OTOG: variants seen among roughly 807,000 people sequenced by gnomAD.
OTOG encodes otogelin.
A neutral mutation model predicts 313.8 loss-of-function variants in OTOG; 296 were observed. The ratio of observed to expected loss-of-function variants is 0.94; its 90% CI spans 0.86 to 1.04. OTOG has a LOEUF of 1.04. Among genes scored for constraint, OTOG ranks in the 50% least tolerant of loss-of-function variants. The pLI is 0.00. For synonymous variants in OTOG, 1,533 were observed against 1,554.9 expected, an observed-to-expected ratio of 0.99 and a Z score of 0.33; for missense variants, 3,948 against 3,840.1, an observed-to-expected ratio of 1.03 and a Z score of -0.74.
At chr11:17,562,225 G>T (rs1309390067) in intron 15 of OTOG, among the ~76,000 whole-genome samples, 1 of 128,952 alleles carries the variant, frequency 7.8e-6, no homozygotes. Flanking sequence ...GCAACAGAGC[G>T]AGACTCCGTC....
At chr11:17,597,586 A>G (rs1300673546) in intron 30 of OTOG, among the ~76,000 whole-genome samples, 2 of 152,230 alleles carry the variant, frequency 1.3e-5, no homozygotes, top group African/African-American at 4.8e-5. Flanking sequence ...CTATCAAGTA[A>G]AATCATTTTG....
intron 24 of OTOG, among the ~76,000 whole-genome samples, chr11:17,588,820 C>T (rs1478618709): frequency 6.6e-6 from 1 of 151,954 alleles, no homozygotes; most frequent in Non-Finnish European, 1.5e-5. Flanking sequence ...TTGCCGTTCC[C>T]AACAACTCAC....
At chr11:17,548,418 C>CTTTTTTTTTTTTTTTTTT (rs56402246) in intron 3 of OTOG, among the ~76,000 whole-genome samples, 7 of 87,630 alleles carry the variant, frequency 8.0e-5, no homozygotes, top group African/African-American at 1.9e-4. Context: ...ATAGTCCACT[C>CTTTTTTTTTTTTTTTTTT]TTTTTTTTTT....
At chr11:17,593,579 G>T (rs781586694) in intron 26 of OTOG, 31 bp from the exon 27 acceptor site, 2 of 1,544,118 alleles carry the variant, frequency 1.3e-6, no homozygotes, top group Non-Finnish European at 1.7e-6. Context: ...GGGGCACTTG[G>T]GCTCAGGACT....
At chr11:17,613,587 G>T in intron 38 of OTOG, 25 bp from the exon 39 acceptor site, 1 of 1,545,402 alleles carries the variant, frequency 6.5e-7, no homozygotes, top group Non-Finnish European at 8.8e-7. Flanking sequence ...GCTCCAAGTT[G>T]ATGAGGGCTG....
chr11:17,604,920 T>A (rs1056239720), intron 32 of OTOG, among the ~76,000 whole-genome samples: 8 of 152,204 alleles, frequency 5.3e-5, no homozygotes, highest in African/African-American at 1.9e-4. Context: ...CCTGCCATCT[T>A]CTCGCAGCTT....
At position 17,573,273 on chromosome 11, in the gene OTOG, C is replaced by T. The variant is rs876657937; in HGVS notation, c.2276C>T (p.Ala759Val). The change falls in exon 19 of 56, where the codon GCC (alanine) becomes GTC (valine). Residue 759 changes from alanine to valine, a missense_variant. Transcript: ENST00000399397. ...CATGGGCTCCCCGTTGATTTCCGCG[C>T]CCGCCTGCCAGCCTGTGGTGAGTGC... is the stretch of plus-strand genomic sequence containing the variant. ...RRHGLPVDFR[A>V]RLPACALSCE... The T allele has an allele frequency of 9.8e-6, 15 of 1,528,006 alleles. No individual in the cohort carries two copies. The highest frequency in any genetic ancestry group is 2.0e-5 in the Admixed American group (1 of 50,656). The allele number at this position is 1,528,006 out of a possible 1,614,324, so 94.7% of individuals were successfully genotyped here. A position where few individuals can be genotyped will look rare whatever the true frequency, so the allele number is the denominator to read the frequency against.
intron 39 of OTOG, among the ~76,000 whole-genome samples, chr11:17,623,678 G>C (rs1275882926): frequency 1.3e-5 from 2 of 152,170 alleles, no homozygotes. Context: ...TGGGATTGCT[G>C]GGTCAAATGG....
chr11:17,548,186 G>A lies in OTOG; in HGVS notation c.190G>A (p.Asp64Asn). 1 of 1,548,438 alleles carries A rather than the reference G, an allele frequency of 6.5e-7. No homozygotes were observed. Among genetic ancestry groups the A allele is most frequent in the African/African-American group, 1.4e-5 (1 of 73,114 alleles). The change falls in exon 3 of 56, where the codon GAC becomes AAC. Residue 64 changes from aspartate (D) to asparagine (N), a missense_variant. Asp to Asn is a conservative substitution (Grantham distance 23, BLOSUM62 1). Transcript: ENST00000399397. The stretch of plus-strand genomic sequence containing the variant: ...CCAGGAGGCGACCCTTGCCATGGGG[G>A]ACAAGGCTACAGTCGTGGGAGGCCA... ...SHQEATLAMG[D>N]KATVVGGQQA...
Position 17,609,174 on chromosome 11 carries a change from A to G in OTOG, c.4319A>G (p.Asp1440Gly). The G allele has an allele frequency of 3.2e-6, 5 of 1,550,544 alleles. No individual in the cohort carries two copies. The highest frequency in any genetic ancestry group is 4.4e-6 in the Non-Finnish European group (5 of 1,146,936). Residue 1440 changes from aspartate (D) to glycine (G), a missense_variant, in exon 35 of 56, where the codon GAT becomes GGT. Asp to Gly is a moderately conservative substitution (Grantham distance 94). Coordinates refer to ENST00000399397, the MANE Select transcript of OTOG (RefSeq NM_001292063.2). ...GTGTGCCCCACCCCCCAGGTCCTGG[A>G]TGAAGTCACACAGAGATGTGTCTAC... ...VPVCPTPQVLDEVTQRCVYLE... is the reference protein window; with the variant it reads ...VPVCPTPQVLGEVTQRCVYLE...
rs1484958488 is a variant in OTOG at position 17,557,335 on chromosome 11, A to T, written c.865+12A>T. On this transcript the variant is annotated intron_variant, in intron 8 of 55. Coordinates refer to ENST00000399397, the MANE Select transcript of OTOG (RefSeq NM_001292063.2). ...GGTGACCAGCTCTGGTGAGGGTCAG[A>T]CAGGTGGCCTCTGAGGGGTGTTGGT... is the stretch of plus-strand genomic sequence containing the variant. The T allele has an allele frequency of 2.6e-6, 4 of 1,549,698 alleles. No homozygotes were observed. Among genetic ancestry groups the T allele is most frequent in the Non-Finnish European group, 3.5e-6 (4 of 1,146,574 alleles).
intron 24 of OTOG, among the ~76,000 whole-genome samples, chr11:17,589,509 C>T (rs551297882): frequency 9.8e-4 from 150 of 152,322 alleles, no homozygotes; most frequent in African/African-American, 3.4e-3. Context: ...TGGGTCCTAG[C>T]TCCTCACTTG....
At chr11:17,561,884 G>A in intron 15 of OTOG, 77 bp downstream of exon 15, 6 of 1,520,046 alleles carry the variant, frequency 3.9e-6, no homozygotes, top group Non-Finnish European at 3.5e-6. Context: ...TGGGACTTAG[G>A]ACAGGGCTCA....
intron 15 of OTOG, among the ~76,000 whole-genome samples, chr11:17,567,933 A>C (rs1050334388): frequency 1.0e-5 from 1 of 99,408 alleles, no homozygotes; most frequent in East Asian, 3.7e-4. Context: ...TTTGAGACAG[A>C]GTCCCGCTTT....
chr11:17,593,534 G>A, intron 26 of OTOG, 76 bp from the exon 27 acceptor site: 1 of 1,520,946 alleles, frequency 6.6e-7, no homozygotes, highest in Non-Finnish European at 8.9e-7. Flanking sequence ...CATTGGTGAG[G>A]GCCTGGCTGC....
intron 39 of OTOG, among the ~76,000 whole-genome samples, chr11:17,619,586 C>CA (rs1853812639): frequency 1.3e-5 from 2 of 151,910 alleles, no homozygotes; most frequent in African/African-American, 4.8e-5. Context: ...TTAGATATTA[C>CA]AGTATGTAAT....
At chr11:17,638,376 C>T in intron 47 of OTOG, 75 bp from the exon 48 acceptor site, 3 of 1,232,280 alleles carry the variant, frequency 2.4e-6, no homozygotes, top group Non-Finnish European at 3.4e-6. Flanking sequence ...TCTCTTTAGC[C>T]AGTGTTGCCC....
intron 4 of OTOG, among the ~76,000 whole-genome samples, chr11:17,552,528 C>CT (rs1851958432): frequency 5.1e-5 from 2 of 39,258 alleles, no homozygotes; most frequent in South Asian, 1.4e-3. Flanking sequence ...CTGTTCCTAC[C>CT]TCCCCCACCT....
chr11:17,562,046 A>AT lies in OTOG; in HGVS notation c.1644+239_1644+240insT, dbSNP rs1554969039. 8.3e-4 allele frequency among the ~76,000 whole-genome samples: 116 copies of AT among 139,828 alleles called. 2 individuals carry two copies. The East Asian group carries it at 0.013, about 16-fold the overall frequency. The allele number at this position is 139,828 out of a possible 152,430, so 91.7% of individuals were successfully genotyped here. ...TTAGGATTTTACTACCTAAAAAAAA[A>AT]ATATATATATATATATATATATATA... On this transcript the variant is annotated intron_variant, in intron 15 of 55. Transcript: ENST00000399397.
Sources: allele counts gnomAD v4.1 joint callset (sites outside exome capture counted in the v4.1 genomes callset), GRCh38; gene constraint gnomAD v4.1.1; transcripts MANE v1.5; gene names NCBI Gene and HGNC (gene_info 2026-07-23, HGNC 2026-07-21).